The following NAV2 variants were observed in gnomAD, a reference collection of about 807,000 sequenced individuals.
NAV2 encodes the protein helicase, APC down-regulated 1.
A neutral mutation model predicts 223.2 loss-of-function variants in NAV2; 54 were observed. The ratio of observed to expected loss-of-function variants is 0.24; its 90% CI spans 0.19 to 0.30. The LOEUF is 0.30. NAV2 is among the 10% of genes least tolerant of loss of function. The pLI is 1.00. For missense variants in NAV2, 2,806 were observed against 3,147.5 expected (o/e 0.89, Z 2.60); for synonymous variants, 1,279 against 1,239.3 (o/e 1.03, Z -0.67).
intron 1 of NAV2, among the ~76,000 whole-genome samples, chr11:19,681,797 T>A (rs1347389752): frequency 6.6e-6 from 1 of 152,200 alleles, no homozygotes; most frequent in Non-Finnish European, 1.5e-5. Flanking sequence ...AGGAAGCCAC[T>A]GTGGGAATCC....
chr11:19,788,213 C>G (rs941124662), intron 1 of NAV2, among the ~76,000 whole-genome samples: 1 of 152,140 alleles, frequency 6.6e-6, no homozygotes, highest in South Asian at 2.1e-4. Flanking sequence ...TTAGCAACGT[C>G]CCTGGCTTCT....
chr11:19,657,337 A>G (rs905637364), intron 1 of NAV2, among the ~76,000 whole-genome samples: 3 of 152,188 alleles, frequency 2.0e-5, no homozygotes, highest in Admixed American at 6.5e-5. Flanking sequence ...TCCCAATACA[A>G]TTGAGCAGTT....
At chr11:19,959,120 AT>A (rs1223486569) in intron 10 of NAV2, among the ~76,000 whole-genome samples, 1 of 152,102 alleles carries the variant, frequency 6.6e-6, no homozygotes, top group African/African-American at 2.4e-5. Context: ...ATCCTTTGTC[AT>A]TTCCTAGCTT....
chr11:19,510,097 A>G (rs2043232729), intron 1 of NAV2, among the ~76,000 whole-genome samples: 1 of 152,232 alleles, frequency 6.6e-6, no homozygotes, highest in Non-Finnish European at 1.5e-5. Flanking sequence ...AACCTTTTAA[A>G]TGGAAAACAG....
At chr11:19,957,510 G>A (rs752898550) in intron 10 of NAV2, among the ~76,000 whole-genome samples, 7 of 152,210 alleles carry the variant, frequency 4.6e-5, no homozygotes, top group Non-Finnish European at 1.0e-4. Context: ...TTTGGCAGAT[G>A]GATGGCTCTG....
rs774336586 is a variant in NAV2, at chr11:20,043,995, G to A, written c.2922G>A (p.Lys974=). The A allele has an allele frequency of 3.1e-6, 5 of 1,613,882 alleles. No individual in the cohort carries two copies. In the Admixed American group the frequency reaches 8.3e-5, roughly 27 times the overall value. ...TCTGTCCACAGACTGATGCTGAGAA[G>A]CACTCACAGGTGGAGAGGAATTCCC... is the stretch of plus-strand genomic sequence containing the variant. ...KNLDVQTDAE[K]HSQVERNSLW... Residue 974 remains lysine (K), a synonymous_variant, in exon 13 of 38, where the codon AAG becomes AAA. Transcript: ENST00000349880.
chr11:20,085,234 A>C (rs1427247244), intron 26 of NAV2, among the ~76,000 whole-genome samples: 4 of 151,774 alleles, frequency 2.6e-5, no homozygotes, highest in Non-Finnish European at 4.4e-5. Context: ...TCCACCCCTG[A>C]GAAGAGTAAA....
intron 1 of NAV2, chr11:19,511,429 G>A (rs1590369168): frequency 6.6e-6 from 1 of 152,324 alleles, no homozygotes; most frequent in South Asian, 2.1e-4. Context: ...AAAGGGGAAA[G>A]GGAGTGACTG....
rs192980076 is a variant in NAV2 at position 19,483,712 on chromosome 11, T to C, written c.75+132685T>C. 2.9e-3 allele frequency among the ~76,000 whole-genome samples: 444 copies of C among 152,304 alleles called. 3 individuals are homozygous for C. The highest frequency in any genetic ancestry group is 9.9e-3 in the African/African-American group (412 of 41,550). On this transcript the variant is annotated intron_variant, in intron 1 of 37. Coordinates refer to the NAV2 transcript ENST00000360655. ...TAAGATGGAAAAGGTATTAAGTTTT[T>C]TGGCAGATGACATAAACAGAAACGT...
At chr11:19,681,557 C>T (rs1296523419) in intron 1 of NAV2, among the ~76,000 whole-genome samples, 3 of 152,142 alleles carry the variant, frequency 2.0e-5, no homozygotes, top group African/African-American at 4.8e-5. Context: ...CACTGGTCTG[C>T]CTAAGTCCCT....
At position 19,378,478 on chromosome 11, in the gene NAV2, C is replaced by T. The variant is rs140241481; in HGVS notation, c.75+27451C>T. On this transcript the variant is annotated intron_variant, in intron 1 of 37. Coordinates refer to the NAV2 transcript ENST00000360655. Reference sequence around the variant, plus strand: ...GTGGTGCGGGGTGCACGCACTGAATCGCTGATAGATGCCATGCACGGAATC... The same window carrying T: ...GTGGTGCGGGGTGCACGCACTGAATTGCTGATAGATGCCATGCACGGAATC... 3.0e-3 allele frequency among the ~76,000 whole-genome samples: 452 copies of T among 152,210 alleles called. 4 individuals are homozygous for T. Among genetic ancestry groups the T allele is most frequent in the African/African-American group, 9.1e-3 (377 of 41,548 alleles).
chr11:20,060,312 A>G (rs1438925117), intron 19 of NAV2, among the ~76,000 whole-genome samples: 1 of 152,224 alleles, frequency 6.6e-6, no homozygotes, highest in African/African-American at 2.4e-5. Flanking sequence ...CCTCCAACAT[A>G]ATTCCTCCAC....
chr11:19,536,149 A>T (rs1247092308), intron 1 of NAV2, among the ~76,000 whole-genome samples: 1 of 152,200 alleles, frequency 6.6e-6, no homozygotes, highest in Non-Finnish European at 1.5e-5. Flanking sequence ...GTCCCTGTTA[A>T]TCTTCCAAGC....
intron 10 of NAV2, among the ~76,000 whole-genome samples, chr11:19,975,653 T>C (rs1591497836): frequency 6.6e-6 from 1 of 152,224 alleles, no homozygotes; most frequent in African/African-American, 2.4e-5. Flanking sequence ...AGTGGTGAGA[T>C]TGAGCCTGTG....
intron 1 of NAV2, among the ~76,000 whole-genome samples, chr11:19,453,824 T>C (rs1851869896): frequency 6.6e-6 from 1 of 152,172 alleles, no homozygotes; most frequent in Non-Finnish European, 1.5e-5. Flanking sequence ...AAGGCCAGAG[T>C]CAGCCCTTTA....
intron 1 of NAV2, among the ~76,000 whole-genome samples, chr11:19,686,424 GT>G (rs1170474225): frequency 1.2e-4 from 19 of 152,194 alleles, no homozygotes; most frequent in Admixed American, 3.3e-4. Context: ...AGAGTCTCAT[GT>G]TTCCCTCAAT....
At chr11:20,053,854 G>T (rs2058185570) in intron 17 of NAV2, among the ~76,000 whole-genome samples, 1 of 152,066 alleles carries the variant, frequency 6.6e-6, no homozygotes, top group African/African-American at 2.4e-5. Flanking sequence ...TTCCCTTTAT[G>T]TGTTCCCTCC....
At chr11:19,433,194 A>G (rs1851096176) in intron 1 of NAV2, among the ~76,000 whole-genome samples, 1 of 152,236 alleles carries the variant, frequency 6.6e-6, no homozygotes, top group Admixed American at 6.5e-5. Context: ...GGATGCCTCT[A>G]AAGGGCAGAT....
Position 19,848,538 on chromosome 11 carries a change from G to T in NAV2, c.438+5615G>T, listed in dbSNP as rs185049729. Among the ~76,000 whole-genome samples the T allele has an allele frequency of 2.6e-5, 4 of 152,278 alleles. No individual in the cohort carries two copies. The East Asian group carries it at 7.7e-4, about 29-fold the overall frequency. ...GCATCACAGCTGAGAGCAAGGGCTG[G>T]GAAGGCCAACTGCTTGTAACCCAGG... is the stretch of plus-strand genomic sequence containing the variant. On this transcript the variant is annotated intron_variant, in intron 3 of 37. Coordinates refer to ENST00000349880, the MANE Select transcript of NAV2 (RefSeq NM_145117.5).
Sources: gnomAD v4.1 joint callset for allele counts (sites outside exome capture counted in the v4.1 genomes callset) on GRCh38, gnomAD v4.1.1 for gene constraint, MANE v1.5 for transcripts, NCBI Gene and HGNC (gene_info 2026-07-23, HGNC 2026-07-21) for gene names.